The following ESR1 variants were observed in gnomAD, a reference collection of about 807,000 sequenced individuals.
The protein encoded by ESR1 is estrogen receptor.
Under a neutral mutation model 52.7 loss-of-function variants are expected in ESR1, and 12 were observed. That is an observed-to-expected ratio of 0.23 (90% confidence interval 0.15 to 0.37). The LOEUF (loss-of-function observed/expected upper bound fraction) is 0.37, where lower values mean the gene tolerates loss of function less well. ESR1 is among the 10% of genes least tolerant of loss of function. The probability of loss-of-function intolerance (pLI) is 1.00; values close to 1 mark genes in which losing one functional copy is unlikely to be tolerated. For missense variants in ESR1, 584 were observed against 779.7 expected (o/e 0.75, Z 2.99); for synonymous variants, 305 against 316.8 (o/e 0.96, Z 0.39).
intron 3 of ESR1, among the ~76,000 whole-genome samples, chr6:151,919,206 T>G (rs2031068404): frequency 6.6e-6 from 1 of 152,230 alleles, no homozygotes; most frequent in African/African-American, 2.4e-5. Flanking sequence ...TCATGCAATT[T>G]GCAATTGAAT....
At chr6:151,948,335 G>T (rs1282798695) in intron 4 of ESR1, among the ~76,000 whole-genome samples, 1 of 152,130 alleles carries the variant, frequency 6.6e-6, no homozygotes, top group Admixed American at 6.5e-5. Context: ...CTTCAAGTCT[G>T]TGCTATAGTT....
rs960372724 is a variant in ESR1, at chr6:151,860,113, C to G, written c.643+17326C>G. Among the ~76,000 whole-genome samples, 18 of 152,114 alleles carry G rather than the reference C, an allele frequency of 1.2e-4. No individual in the cohort carries two copies. The South Asian group carries it at 1.9e-3, about 16-fold the overall frequency. On this transcript the variant is annotated intron_variant, in intron 2 of 7. Transcript: ENST00000206249. ...TCCACTTTTACCTCTTCTTTCTTTA[C>G]TTTTCTCTTTATTATTTTTAATTAT...
intron 2 of ESR1, among the ~76,000 whole-genome samples, chr6:151,721,933 T>C (rs1195630254): frequency 6.6e-6 from 1 of 152,222 alleles, no homozygotes; most frequent in Non-Finnish European, 1.5e-5. Flanking sequence ...TTCATTTTAT[T>C]TGAAGCAAGT....
chr6:151,913,815 T>C (rs1798644775), intron 3 of ESR1, among the ~76,000 whole-genome samples: 1 of 152,126 alleles, frequency 6.6e-6, no homozygotes, highest in Non-Finnish European at 1.5e-5. Context: ...ATAAGCACCA[T>C]CAAATTACTA....
chr6:152,094,787 C>G lies in ESR1; in HGVS notation c.1553+219C>G, dbSNP rs1328397015. 6.6e-6 allele frequency among the ~76,000 whole-genome samples: 1 copy of G among 152,106 alleles called. No homozygotes were observed. The highest frequency in any genetic ancestry group is 1.5e-5 in the Non-Finnish European group (1 of 68,022). On this transcript the variant is annotated intron_variant, in intron 7 of 7. Transcript: ENST00000206249. The surrounding 1 kb of genome is among the most constrained non-coding windows in gnomAD (Gnocchi z 4.6). ...AGTGTCAGAGAAGGCATAGAGGAAG[C>G]GATACTTACGCTTGGTTTAAAGCAT...
At chr6:151,969,688 G>A (rs1260757624) in intron 4 of ESR1, among the ~76,000 whole-genome samples, 1 of 152,202 alleles carries the variant, frequency 6.6e-6, no homozygotes, top group Admixed American at 6.5e-5. Flanking sequence ...TCTTGTAGCA[G>A]ACAGCAGTGC....
intron 4 of ESR1, among the ~76,000 whole-genome samples, chr6:151,954,020 TTAA>T (rs1390341144): frequency 1.3e-5 from 2 of 152,168 alleles, no homozygotes; most frequent in African/African-American, 4.8e-5. Context: ...TAGCCCTTTC[TTAA>T]TTACCCCCAT....
rs774082012 is a variant in ESR1, at chr6:151,807,883, C to G, written c.-30C>G. Reference sequence around the variant, plus strand: ...CTGAGCCTTCTGCCCTGCGGGGACACGGTCTGCACCCTGCCCGCGGCCACG... The same window carrying G: ...CTGAGCCTTCTGCCCTGCGGGGACAGGGTCTGCACCCTGCCCGCGGCCACG... On this transcript the variant is annotated 5_prime_UTR_variant, in exon 1 of 8. Transcript: ENST00000206249. The G allele has an allele frequency of 1.9e-6, 3 of 1,597,828 alleles. No homozygotes were observed. Among genetic ancestry groups the G allele is most frequent in the East Asian group, 2.2e-5 (1 of 44,528 alleles).
chr6:151,766,880 C>G (rs1328279421), intron 2 of ESR1, among the ~76,000 whole-genome samples: 1 of 152,110 alleles, frequency 6.6e-6, no homozygotes, highest in Non-Finnish European at 1.5e-5. Context: ...TTTTCATAGA[C>G]AAGGAAACCT....
intron 5 of ESR1, among the ~76,000 whole-genome samples, chr6:152,054,028 GA>G (rs1256342378): frequency 3.3e-5 from 5 of 151,942 alleles, no homozygotes; most frequent in African/African-American, 1.2e-4. Flanking sequence ...TTTAAAAGAT[GA>G]GGTATATTTT....
intron 3 of ESR1, among the ~76,000 whole-genome samples, chr6:151,916,829 T>C (rs1055658052): frequency 6.6e-6 from 1 of 152,210 alleles, no homozygotes; most frequent in Non-Finnish European, 1.5e-5. Context: ...GCCTTGATAC[T>C]CTAGGTTGTG....
chr6:151,987,027 C>T (rs1333135470), intron 4 of ESR1, among the ~76,000 whole-genome samples: 1 of 152,070 alleles, frequency 6.6e-6, no homozygotes, highest in Non-Finnish European at 1.5e-5. Flanking sequence ...ATCTCCTCTA[C>T]AGGGAAGGAT....
At chr6:152,034,391 T>G (rs1358987232) in intron 5 of ESR1, among the ~76,000 whole-genome samples, 5 of 152,234 alleles carry the variant, frequency 3.3e-5, no homozygotes, top group African/African-American at 1.2e-4. Context: ...ACCATTTACC[T>G]GTCTTCTATA....
intron 2 of ESR1, among the ~76,000 whole-genome samples, chr6:151,793,170 CAAA>C (rs374347435): frequency 5.5e-5 from 6 of 109,316 alleles, no homozygotes; most frequent in Admixed American, 9.6e-5. Context: ...GACTCTATCT[CAAA>C]AAAAAAAAAA....
intron 2 of ESR1, among the ~76,000 whole-genome samples, chr6:151,860,957 T>G (rs1236420287): frequency 2.0e-5 from 3 of 152,204 alleles, no homozygotes; most frequent in Non-Finnish European, 4.4e-5. Context: ...TCATGTATCC[T>G]TGGGCTCAAA....
intron 2 of ESR1, among the ~76,000 whole-genome samples, chr6:151,766,337 G>A (rs1330590109): frequency 6.6e-6 from 1 of 152,042 alleles, no homozygotes; most frequent in East Asian, 1.9e-4. Flanking sequence ...TGATGGTTTG[G>A]TGTTTTGATT....
At chr6:151,809,198 G>A (rs1358359666) in intron 1 of ESR1, 6 of 459,246 alleles carry the variant, frequency 1.3e-5, no homozygotes, top group Non-Finnish European at 1.4e-5. Flanking sequence ...CAGGGTCTGC[G>A]CCTCGCAGCC....
chr6:151,846,032 T>A (rs1025162287), intron 2 of ESR1, among the ~76,000 whole-genome samples: 2 of 152,074 alleles, frequency 1.3e-5, no homozygotes, highest in Non-Finnish European at 2.9e-5. Flanking sequence ...TCTTATAGGA[T>A]CCAAACTCCA....
At chr6:151,807,099 TC>T (rs1777994249), upstream of ESR1, 1 of 152,336 alleles carries the variant, frequency 6.6e-6, no homozygotes. Context: ...ATGCAGCTCT[TC>T]CTATATGTAT....
Sources: allele counts gnomAD v4.1 joint callset (sites outside exome capture counted in the v4.1 genomes callset), GRCh38; gene constraint gnomAD v4.1.1; non-coding constraint Gnocchi (gnomAD v3.1); transcripts MANE v1.5; gene names NCBI Gene and HGNC (gene_info 2026-07-23, HGNC 2026-07-21).